Variants in PAQR5 observed in about 807,000 individuals in gnomAD.
The protein encoded by PAQR5 is progestin and adipoQ receptor family member 5, also known as membrane progestin receptor gamma.
In PAQR5, 20 loss-of-function variants were observed where a neutral mutation model predicts 34.5. That is an observed-to-expected ratio of 0.58 (90% CI 0.41 to 0.84). The LOEUF (loss-of-function observed/expected upper bound fraction) is 0.84, where lower values mean the gene tolerates loss of function less well. Ranked by LOEUF, PAQR5 falls within the 40% of genes least tolerant of loss-of-function variation. The pLI is 0.00. For synonymous variants in PAQR5, 131 were observed against 155.6 expected, an observed-to-expected ratio of 0.84 and a Z score of 1.18; for missense variants, 378 against 412.7, an observed-to-expected ratio of 0.92 and a Z score of 0.73.
chr15:69,356,372 A>G (rs780337872), intron 2 of PAQR5, among the ~76,000 whole-genome samples: 22 of 152,204 alleles, frequency 1.4e-4, no homozygotes, highest in Non-Finnish European at 2.5e-4. Flanking sequence ...TATTTTTTGC[A>G]AAGTATTAAC....
intron 8 of PAQR5, among the ~76,000 whole-genome samples, chr15:69,400,472 T>TAA (rs1391135683): frequency 6.6e-6 from 1 of 152,124 alleles, no homozygotes; most frequent in African/African-American, 2.4e-5. Flanking sequence ...GGTGGGCAGA[T>TAA]TACTTGAGAC....
At chr15:69,348,921 A>T (rs10851803) in intron 2 of PAQR5, among the ~76,000 whole-genome samples, 12,112 of 152,186 alleles carry the variant, frequency 0.08, 1,145 homozygotes, top group African/African-American at 0.22. Context: ...TTAAAACTTA[A>T]GAATTCTTTC....
chr15:69,308,923 C>T (rs2053773088), intron 1 of PAQR5, among the ~76,000 whole-genome samples: 1 of 152,088 alleles, frequency 6.6e-6, no homozygotes, highest in South Asian at 2.1e-4. Context: ...AGAGGGAACA[C>T]TCTAGGTTCT....
intron 2 of PAQR5, among the ~76,000 whole-genome samples, chr15:69,341,702 C>CG (rs1164121878): frequency 6.6e-6 from 1 of 151,918 alleles, no homozygotes; most frequent in Non-Finnish European, 1.5e-5. Context: ...CCCAGTACTT[C>CG]GGGAGGCCAA....
chr15:69,390,438 T>C (rs1388853637), intron 6 of PAQR5, among the ~76,000 whole-genome samples: 3 of 151,514 alleles, frequency 2.0e-5, no homozygotes, highest in Non-Finnish European at 2.9e-5. Context: ...TAGCCTCGCC[T>C]TCCTGGGCTC....
intron 4 of PAQR5, chr15:69,382,771 TGTG>T: frequency 7.1e-6 from 1 of 139,976 alleles, no homozygotes; most frequent in Admixed American, 7.2e-5. Context: ...TGTATATATA[TGTG>T]ACCATATATA....
chr15:69,373,335 G>A (rs1213058636), intron 3 of PAQR5, among the ~76,000 whole-genome samples: 6 of 151,984 alleles, frequency 3.9e-5, no homozygotes, highest in Non-Finnish European at 8.8e-5. Context: ...CATTTTTGGG[G>A]AGCCATTATT....
intron 3 of PAQR5, among the ~76,000 whole-genome samples, chr15:69,371,289 CT>C (rs1302451455): frequency 1.3e-5 from 2 of 151,842 alleles, no homozygotes; most frequent in Non-Finnish European, 2.9e-5. Flanking sequence ...TACATTTTTT[CT>C]TTTTTTAATT....
chr15:69,317,528 C>T (rs2053982688), intron 1 of PAQR5, among the ~76,000 whole-genome samples: 1 of 152,192 alleles, frequency 6.6e-6, no homozygotes, highest in Non-Finnish European at 1.5e-5. Context: ...GCTGCCCTGA[C>T]CATTTTCCCC....
intron 2 of PAQR5, among the ~76,000 whole-genome samples, chr15:69,355,284 TTTCTTTTCTTTCTTTC>T (rs2055027044): frequency 6.6e-6 from 1 of 150,444 alleles, no homozygotes; most frequent in African/African-American, 2.4e-5. Flanking sequence ...TCTCTCTTTC[TTTCTTTTCTTTCTTTC>T]TTTCTTTCTT....
chr15:69,339,417 G>A (rs962020076), intron 2 of PAQR5, among the ~76,000 whole-genome samples: 2 of 152,114 alleles, frequency 1.3e-5, no homozygotes, highest in Non-Finnish European at 2.9e-5. Context: ...GTACCTGGCG[G>A]CCTTAGTCCC....
At chr15:69,306,057 T>A (rs574167549) in intron 1 of PAQR5, among the ~76,000 whole-genome samples, 52 of 152,238 alleles carry the variant, frequency 3.4e-4, no homozygotes, top group African/African-American at 1.2e-3. Context: ...GGGAATGAGA[T>A]ATAGTGCCTG....
intron 1 of PAQR5, among the ~76,000 whole-genome samples, chr15:69,300,702 CTCTTTCTTTCTT>C (rs1220750135): frequency 0.019 from 126 of 6,514 alleles, 14 homozygotes; most frequent in African/African-American, 0.017. Context: ...CTCTCTCTCT[CTCTTTCTTTCTT>C]TCTTTCTTTC....
intron 1 of PAQR5, among the ~76,000 whole-genome samples, chr15:69,311,535 C>T (rs1228035380): frequency 6.6e-6 from 1 of 152,222 alleles, no homozygotes; most frequent in Non-Finnish European, 1.5e-5. Context: ...CTCTGAATCA[C>T]TTCCTTATCT....
At chr15:69,311,558 C>T (rs550702606) in intron 1 of PAQR5, among the ~76,000 whole-genome samples, 1 of 152,164 alleles carries the variant, frequency 6.6e-6, no homozygotes, top group Non-Finnish European at 1.5e-5. Context: ...CTGGGATGCA[C>T]CCTGCCAATC....
In PAQR5 at chr15:69,319,195, A is replaced by T. The variant is rs1432687186; in HGVS notation, c.-276-18146A>T. The stretch of plus-strand genomic sequence containing the variant: ...TATATATATATATATATATATATAT[A>T]TATATATATATATATATGAATGTGG... On this transcript the variant is annotated intron_variant, in intron 1 of 8. Transcript: ENST00000395407. Among the ~76,000 whole-genome samples, 5 of 61,810 alleles carry T rather than the reference A, an allele frequency of 8.1e-5. No homozygotes were observed. In the East Asian group the frequency reaches 1.7e-3, roughly 21 times the overall value. 40.5% of individuals were successfully genotyped at this position (61,810 alleles called of 152,430 possible).
rs1460809338 is a variant in PAQR5 at position 69,405,110 on chromosome 15, AT to A, written c.*1291del. The A allele has an allele frequency of 2.0e-5, 8 of 397,392 alleles. No homozygotes were observed. The highest frequency in any genetic ancestry group is 3.5e-5 in the Non-Finnish European group (8 of 225,416). 24.6% of individuals were successfully genotyped at this position (397,392 alleles called of 1,614,324 possible). A position where few individuals can be genotyped will look rare whatever the true frequency, so the allele number is the denominator to read the frequency against. ...GTTCTAAAACACTGAGCATTTTCTC[AT>A]TTGTTGCATTACTGATTAAAGTTCA... is the stretch of plus-strand genomic sequence containing the variant. On this transcript the variant is annotated 3_prime_UTR_variant, in exon 9 of 9. Transcript: ENST00000395407.
chr15:69,365,937 A>AT (rs1294218855), intron 3 of PAQR5, among the ~76,000 whole-genome samples: 1 of 152,234 alleles, frequency 6.6e-6, no homozygotes, highest in African/African-American at 2.4e-5. Flanking sequence ...AGATTTTTTT[A>AT]TAACAGCCTA....
chr15:69,315,589 T>A (rs1402918898), intron 1 of PAQR5, among the ~76,000 whole-genome samples: 1 of 152,216 alleles, frequency 6.6e-6, no homozygotes, highest in East Asian at 1.9e-4. Flanking sequence ...GTGACATTCC[T>A]GTGCCAAGAA....
Sources: gnomAD v4.1 joint callset for allele counts (sites outside exome capture counted in the v4.1 genomes callset) on GRCh38, gnomAD v4.1.1 for gene constraint, MANE v1.5 for transcripts, NCBI Gene and HGNC (gene_info 2026-07-23, HGNC 2026-07-21) for gene names.